Variants in APC observed in about 807,000 individuals in gnomAD.
The protein encoded by APC is adenomatous polyposis coli protein.
Under a neutral mutation model 247.0 loss-of-function variants are expected in APC, and 72 were observed. The observed-to-expected ratio is 0.29, with a 90% confidence interval of 0.24 to 0.35. The LOEUF (loss-of-function observed/expected upper bound fraction) is 0.35. APC is among the 10% of genes least tolerant of loss of function. The probability of loss-of-function intolerance (pLI) is 1.00; values close to 1 mark genes in which losing one functional copy is unlikely to be tolerated. For missense variants in APC, 3,400 were observed against 3,360.7 expected (o/e 1.01, Z -0.29); for synonymous variants, 1,254 against 1,162.5 (o/e 1.08, Z -1.60).
At chr5:112,800,902 T>C (rs1760745598) in intron 7 of APC, among the ~76,000 whole-genome samples, 1 of 152,140 alleles carries the variant, frequency 6.6e-6, no homozygotes, top group Non-Finnish European at 1.5e-5. Context: ...GGTAATAGTT[T>C]AACTGTTGTA....
chr5:112,836,165 T>TCCCCCCCCCCCCCCC lies in APC; in HGVS notation c.1958+1014_1958+1015insCCCCCCCCCCCCCCC, dbSNP rs59050067. On this transcript the variant is annotated intron_variant, in intron 15 of 15. Transcript: ENST00000257430. The stretch of plus-strand genomic sequence containing the variant: ...CCTCCCGAGTAGCTGGGATTACAGG[T>TCCCCCCCCCCCCCCC]CCCCCCCCCCCCCCGCCACCGTGCC... Among the ~76,000 whole-genome samples the TCCCCCCCCCCCCCCC allele has an allele frequency of 1.3e-3, 32 of 24,492 alleles. 4 individuals are homozygous for TCCCCCCCCCCCCCCC. Among genetic ancestry groups the TCCCCCCCCCCCCCCC allele is most frequent in the African/African-American group, 1.7e-3 (16 of 9,574 alleles). 16.1% of individuals were successfully genotyped at this position (24,492 alleles called of 152,430 possible).
In APC at chr5:112,790,306, G is replaced by T. The variant is rs570959085; in HGVS notation, c.646-2140G>T. On this transcript the variant is annotated intron_variant, in intron 6 of 15. Coordinates refer to ENST00000257430, the MANE Select transcript of APC (RefSeq NM_000038.6). ...GAGCACAGCTTCTTGTTTTATTTGG[G>T]TTTTTTTTGGGGGGTGGGGGTTGTT... Among the ~76,000 whole-genome samples, 9 of 151,186 alleles carry T rather than the reference G, an allele frequency of 6.0e-5. No individual in the cohort carries two copies. In the East Asian group the frequency reaches 1.6e-3, roughly 26 times the overall value.
rs1060504884 is a variant in APC at position 112,767,364 on chromosome 5, A to C, written c.396A>C (p.Gly132=). 1 of 1,614,078 alleles carries C rather than the reference A, an allele frequency of 6.2e-7. No homozygotes were observed. The highest frequency in any genetic ancestry group is 8.5e-7 in the Non-Finnish European group (1 of 1,179,952). Reference sequence around the variant, plus strand: ...TAAATGGAAGCAGAGAAAGTACTGGATATTTAGAAGAACTTGAGAAAGAGA... The same window carrying C: ...TAAATGGAAGCAGAGAAAGTACTGGCTATTTAGAAGAACTTGAGAAAGAGA... ...GFVNGSREST[G]YLEELEKERS... The change falls in exon 4 of 16, where the codon GGA becomes GGC. Residue 132 remains glycine, a synonymous_variant. Coordinates refer to ENST00000257430, the MANE Select transcript of APC (RefSeq NM_000038.6).
chr5:112,768,424 G>A (rs1241795664), intron 4 of APC, among the ~76,000 whole-genome samples: 1 of 148,798 alleles, frequency 6.7e-6, no homozygotes, highest in Non-Finnish European at 1.5e-5. Context: ...ATTATCTATT[G>A]AAGTATATTC....
At chr5:112,803,551 A>G (rs982739983) in intron 8 of APC, among the ~76,000 whole-genome samples, 2 of 152,176 alleles carry the variant, frequency 1.3e-5, no homozygotes, top group African/African-American at 4.8e-5. Flanking sequence ...TCTACCTCAT[A>G]GAACAGTTGG....
intron 9 of APC, among the ~76,000 whole-genome samples, chr5:112,817,332 AAT>A (rs2149771536): frequency 6.6e-6 from 1 of 152,342 alleles, no homozygotes; most frequent in South Asian, 2.1e-4. Flanking sequence ...GTATTACTGA[AAT>A]AACTAATGTT....
intron 15 of APC, among the ~76,000 whole-genome samples, 192 bp from the exon 16 acceptor site, chr5:112,837,361 T>G (rs1765043604): frequency 6.6e-6 from 1 of 152,100 alleles, no homozygotes; most frequent in Admixed American, 6.6e-5. Flanking sequence ...CTTTACTTTT[T>G]TTAGTGTGAC....
intron 8 of APC, among the ~76,000 whole-genome samples, chr5:112,810,858 C>A (rs1330347671): frequency 2.0e-5 from 3 of 152,270 alleles, no homozygotes; most frequent in Middle Eastern, 6.8e-3. Context: ...AACCCTGTCT[C>A]TACTAAAAAT....
At chr5:112,715,465 CTGAGTGTTCA>C (rs1751112382) in intron 1 of APC, among the ~76,000 whole-genome samples, 2 of 152,152 alleles carry the variant, frequency 1.3e-5, no homozygotes, top group Admixed American at 6.5e-5. Context: ...GCTAAGAGAC[CTGAGTGTTCA>C]TGAGTGAGGT....
chr5:112,734,675 C>T (rs954536491), upstream of APC, among the ~76,000 whole-genome samples: 4 of 152,070 alleles, frequency 2.6e-5, no homozygotes, highest in Admixed American at 1.3e-4. Context: ...ATTCATTTTA[C>T]ACTAGTTAAT....
chr5:112,831,561 C>G (rs1327941252), intron 14 of APC, among the ~76,000 whole-genome samples: 1 of 151,996 alleles, frequency 6.6e-6, no homozygotes, highest in Non-Finnish European at 1.5e-5. Flanking sequence ...CATTCAATAT[C>G]AATTCCCTCT....
intron 7 of APC, among the ~76,000 whole-genome samples, chr5:112,799,456 ACTT>A (rs1760568122): frequency 6.6e-6 from 1 of 151,966 alleles, no homozygotes; most frequent in African/African-American, 2.4e-5. Context: ...CTATGTCTCC[ACTT>A]CTTTTATCTC....
At chr5:112,707,937 G>T in intron 1 of APC, 18 of 1,310,886 alleles carry the variant, frequency 1.4e-5, no homozygotes, top group Admixed American at 2.4e-5. Context: ...CCTCGGCTTT[G>T]CCCCGCCGCT....
At chr5:112,821,364 A>G (rs1029929395) in intron 10 of APC, among the ~76,000 whole-genome samples, 13 of 151,984 alleles carry the variant, frequency 8.6e-5, no homozygotes, top group African/African-American at 3.1e-4. Flanking sequence ...AAAATTAGCT[A>G]GGGATTGTGG....
At chr5:112,751,258 C>T (rs928946669) in intron 1 of APC, among the ~76,000 whole-genome samples, 2 of 151,936 alleles carry the variant, frequency 1.3e-5, no homozygotes, top group Admixed American at 1.3e-4. Flanking sequence ...TAGTTAACTA[C>T]ATTTATATGG....
intron 7 of APC, among the ~76,000 whole-genome samples, chr5:112,794,609 T>C (rs977085550): frequency 2.6e-5 from 4 of 152,074 alleles, no homozygotes; most frequent in Non-Finnish European, 4.4e-5. Flanking sequence ...GTCTATAAAT[T>C]CCACCCCGTG....
chr5:112,824,320 A>G (rs1283818036), intron 11 of APC, among the ~76,000 whole-genome samples: 1 of 152,242 alleles, frequency 6.6e-6, no homozygotes, highest in Non-Finnish European at 1.5e-5. Context: ...ATGAATTTGC[A>G]TATTTTAGCA....
At chr5:112,831,674 C>G (rs1764317976) in intron 14 of APC, among the ~76,000 whole-genome samples, 1 of 152,170 alleles carries the variant, frequency 6.6e-6, no homozygotes, top group Admixed American at 6.5e-5. Context: ...CTAGAGCTTT[C>G]CTTTACCAGC....
At chr5:112,783,343 A>C (rs893987539) in intron 6 of APC, among the ~76,000 whole-genome samples, 1 of 152,150 alleles carries the variant, frequency 6.6e-6, no homozygotes, top group African/African-American at 2.4e-5. Flanking sequence ...GTATTTTGAG[A>C]AACATACGTG....
Sources: gnomAD v4.1 joint callset for allele counts (sites outside exome capture counted in the v4.1 genomes callset) on GRCh38, gnomAD v4.1.1 for gene constraint, MANE v1.5 for transcripts, NCBI Gene and HGNC (gene_info 2026-07-23, HGNC 2026-07-21) for gene names.